BACH2: variants seen among roughly 807,000 people sequenced by gnomAD.
The protein encoded by BACH2 is transcription regulator protein BACH2.
In BACH2, 5 loss-of-function variants were observed where a neutral mutation model predicts 61.8. That is an observed-to-expected ratio of 0.08 (90% CI 0.04 to 0.17). BACH2 has a LOEUF of 0.17. Among genes scored for constraint, BACH2 ranks in the 10% least tolerant of loss-of-function variants. The pLI, the probability that BACH2 is intolerant of heterozygous loss-of-function variation, is 1.00. For synonymous variants in BACH2, 446 were observed against 440.1 expected (o/e 1.01, Z -0.17); for missense variants, 824 against 1,091.1 (o/e 0.76, Z 3.45).
chr6:90,210,497 G>A (rs375859832), intron 3 of BACH2, among the ~76,000 whole-genome samples: 3 of 152,136 alleles, frequency 2.0e-5, no homozygotes, highest in Admixed American at 6.5e-5. Context: ...CTTTGAAATC[G>A]AGGGAACCTG....
chr6:90,292,960 G>T (rs182199517), intron 1 of BACH2, among the ~76,000 whole-genome samples: 161 of 152,288 alleles, frequency 1.1e-3, no homozygotes, highest in Non-Finnish European at 9.7e-4. Flanking sequence ...AGTTGAGTAG[G>T]GGCGGCCTGC....
At chr6:90,017,318 C>G (rs1322255899) in intron 5 of BACH2, among the ~76,000 whole-genome samples, 7 of 151,916 alleles carry the variant, frequency 4.6e-5, no homozygotes, top group Non-Finnish European at 8.8e-5. Flanking sequence ...CTCCTGGGTT[C>G]GAGTGATTCT....
intron 2 of BACH2, among the ~76,000 whole-genome samples, chr6:90,261,598 T>C (rs1451024193): frequency 1.3e-5 from 2 of 152,120 alleles, no homozygotes; most frequent in Non-Finnish European, 2.9e-5. Context: ...TGCAGATTCC[T>C]GCTTTGGGTT....
chr6:90,177,504 T>C (rs1470289130), intron 4 of BACH2, among the ~76,000 whole-genome samples: 1 of 152,222 alleles, frequency 6.6e-6, no homozygotes, highest in East Asian at 1.9e-4. Flanking sequence ...CCCCAGGACC[T>C]TCCAGTTAGT....
At chr6:89,946,805 C>T (rs1773752257) in intron 7 of BACH2, among the ~76,000 whole-genome samples, 1 of 152,006 alleles carries the variant, frequency 6.6e-6, no homozygotes, top group Admixed American at 6.5e-5. Context: ...ATGTTTGGGG[C>T]TGGGTATGCT....
At chr6:90,200,167 G>A (rs1421928711) in intron 4 of BACH2, among the ~76,000 whole-genome samples, 1 of 152,154 alleles carries the variant, frequency 6.6e-6, no homozygotes, top group African/African-American at 2.4e-5. Context: ...GAGAGAAAGG[G>A]TGAAACAGGT....
At chr6:90,201,418 T>G (rs1308215627) in intron 4 of BACH2, among the ~76,000 whole-genome samples, 2 of 152,338 alleles carry the variant, frequency 1.3e-5, no homozygotes, top group Non-Finnish European at 2.9e-5. Flanking sequence ...TTGCATTTCT[T>G]TGATTGCTGT....
chr6:90,178,301 A>G (rs1768045511), intron 4 of BACH2, among the ~76,000 whole-genome samples: 1 of 152,194 alleles, frequency 6.6e-6, no homozygotes, highest in South Asian at 2.1e-4. Flanking sequence ...TCTGTATATT[A>G]GTATACTACA....
chr6:90,166,289 A>C (rs1166301833), intron 4 of BACH2, among the ~76,000 whole-genome samples: 1 of 152,024 alleles, frequency 6.6e-6, no homozygotes, highest in Non-Finnish European at 1.5e-5. Context: ...ATGCAGCCAA[A>C]AGACACATGA....
chr6:90,274,626 C>T (rs1458789245), intron 1 of BACH2, among the ~76,000 whole-genome samples: 1 of 152,222 alleles, frequency 6.6e-6, no homozygotes, highest in African/African-American at 2.4e-5. Flanking sequence ...CCCCCACACA[C>T]TTTCCAGCTG....
intron 4 of BACH2, among the ~76,000 whole-genome samples, chr6:90,139,103 A>G (rs1784378603): frequency 6.6e-6 from 1 of 150,712 alleles, no homozygotes; most frequent in African/African-American, 2.4e-5. Flanking sequence ...TGACTTCACT[A>G]AAAAAAAAGG....
intron 3 of BACH2, chr6:90,218,009 T>C (rs206916): frequency 0.69 from 105,372 of 151,998 alleles, 37,518 homozygotes; most frequent in African/African-American, 0.85. Context: ...CAGCAATCCT[T>C]CACAATATTT....
chr6:90,177,649 T>C (rs1251433839), intron 4 of BACH2, among the ~76,000 whole-genome samples: 2 of 152,142 alleles, frequency 1.3e-5, no homozygotes, highest in Non-Finnish European at 2.9e-5. Flanking sequence ...CACCCTGGGT[T>C]GAAGGCTGTG....
chr6:90,183,526 CGTGAAT>C (rs1768239171), intron 4 of BACH2, among the ~76,000 whole-genome samples: 2 of 152,166 alleles, frequency 1.3e-5, no homozygotes, highest in Non-Finnish European at 2.9e-5. Flanking sequence ...TGTCAATAAC[CGTGAAT>C]AGTATCCCAA....
intron 4 of BACH2, among the ~76,000 whole-genome samples, chr6:90,172,627 T>C (rs1767855834): frequency 1.3e-5 from 2 of 151,994 alleles, no homozygotes; most frequent in Admixed American, 6.5e-5. Flanking sequence ...TAATACTGAA[T>C]ATGTAAGTGT....
intron 6 of BACH2, chr6:89,953,194 T>C (rs1197561973): frequency 6.6e-6 from 1 of 152,230 alleles, no homozygotes; most frequent in Non-Finnish European, 1.5e-5. Context: ...GTAATTGATG[T>C]TCAAGATTCA....
At chr6:90,001,398 C>G (rs148824484) in intron 6 of BACH2, 3 of 152,218 alleles carry the variant, frequency 2.0e-5, no homozygotes, top group Non-Finnish European at 4.4e-5. Context: ...GAGGGACACA[C>G]GTGGAGCAGT....
chr6:89,952,630 T>C (rs1003120692), intron 6 of BACH2, among the ~76,000 whole-genome samples: 53 of 152,222 alleles, frequency 3.5e-4, no homozygotes, highest in Admixed American at 1.4e-3. Flanking sequence ...GTATGGGCTA[T>C]TCCTTCCCTA....
rs192298467 is a variant in BACH2, at chr6:89,969,488, G to A, written c.244-17626C>T. Reference sequence around the variant, plus strand: ...AGCAGAAGATGAGAGACAAGGGACGGATGTGGGCTGCCACCACTCTACCAC... The same window carrying A: ...AGCAGAAGATGAGAGACAAGGGACGAATGTGGGCTGCCACCACTCTACCAC... On this transcript the variant is annotated intron_variant, in intron 6 of 8. Coordinates refer to ENST00000257749, the MANE Select transcript of BACH2 (RefSeq NM_021813.4). Among the ~76,000 whole-genome samples the A allele has an allele frequency of 6.2e-4, 94 of 152,322 alleles. No homozygotes were observed. The East Asian group carries it at 0.014, about 22-fold the overall frequency.
Sources: gnomAD v4.1 joint callset for allele counts (sites outside exome capture counted in the v4.1 genomes callset) on GRCh38, gnomAD v4.1.1 for gene constraint, MANE v1.5 for transcripts, NCBI Gene and HGNC (gene_info 2026-07-23, HGNC 2026-07-21) for gene names.